The following CYB5A variants were observed in gnomAD, a reference collection of about 807,000 sequenced individuals.
CYB5A encodes cytochrome b5 type A, also known as cytochrome b5.
Under a neutral mutation model 16.2 loss-of-function variants are expected in CYB5A, and 10 were observed. The ratio of observed to expected loss-of-function variants is 0.62; its 90% CI spans 0.38 to 1.04. The LOEUF is 1.04. CYB5A is among the 50% of genes least tolerant of loss of function. The pLI is 0.01. For synonymous variants in CYB5A, 62 were observed against 57.0 expected, an observed-to-expected ratio of 1.09 and a Z score of -0.40; for missense variants, 161 against 165.9, an observed-to-expected ratio of 0.97 and a Z score of 0.16.
chr18:74,279,772 T>C (rs1019382375), intron 1 of CYB5A, among the ~76,000 whole-genome samples: 1 of 152,202 alleles, frequency 6.6e-6, no homozygotes, highest in Non-Finnish European at 1.5e-5. Flanking sequence ...CAGAAAATTA[T>C]TCAATGTCAC....
chr18:74,269,253 C>G (rs985724024), intron 1 of CYB5A, among the ~76,000 whole-genome samples: 22 of 152,264 alleles, frequency 1.4e-4, no homozygotes, highest in African/African-American at 4.8e-4. Flanking sequence ...CACAGTGGTT[C>G]TCTTCTCCTT....
chr18:74,275,794 C>T (rs1201578881), intron 1 of CYB5A, among the ~76,000 whole-genome samples: 1 of 152,106 alleles, frequency 6.6e-6, no homozygotes, highest in Non-Finnish European at 1.5e-5. Context: ...AACCTCAGCC[C>T]CTTTAGAATA....
In CYB5A at chr18:74,263,478, C is replaced by A. The variant is rs1982299030; in HGVS notation, c.130-1G>T. 1.2e-6 allele frequency: 2 copies of A among 1,613,950 alleles called. No homozygotes were observed. The highest frequency in any genetic ancestry group is 1.1e-5 in the South Asian group (1 of 91,090). ...TTAAAACTTCTTCCCCACCAGGATG[C>A]TGTTCAAAGGAGAGGTAGAATAAAA... On this transcript the variant is annotated splice_acceptor_variant, in intron 1 of 4. Coordinates refer to ENST00000340533, the MANE Select transcript of CYB5A (RefSeq NM_148923.4). LOFTEE classifies it high-confidence loss of function.
intron 3 of CYB5A, chr18:74,256,767 T>C: frequency 6.7e-7 from 1 of 1,496,624 alleles, no homozygotes; most frequent in Non-Finnish European, 9.3e-7. Context: ...TTAGAGAAAC[T>C]CCCGTGAAAA....
intron 1 of CYB5A, among the ~76,000 whole-genome samples, chr18:74,268,371 C>T (rs147538764): frequency 6.6e-6 from 1 of 152,028 alleles, no homozygotes; most frequent in East Asian, 1.9e-4. Context: ...CGGGGAACAG[C>T]GAATTCAGGA....
chr18:74,261,227 A>C, intron 2 of CYB5A: 1 of 397,598 alleles, frequency 2.5e-6, no homozygotes, highest in Admixed American at 3.6e-5. Flanking sequence ...TATTAGACTC[A>C]GATTGCGACA....
In CYB5A at chr18:74,250,984, A is replaced by G. The variant is rs1371702137; in HGVS notation, c.*2600T>C. 2.0e-5 allele frequency: 3 copies of G among 152,140 alleles called. No homozygotes were observed. Among genetic ancestry groups the G allele is most frequent in the African/African-American group, 7.2e-5 (3 of 41,406 alleles). 9.4% of individuals were successfully genotyped at this position (152,140 alleles called of 1,614,324 possible). A position where few individuals can be genotyped will look rare whatever the true frequency, so the allele number is the denominator to read the frequency against. ...GGAGTTCAAGACCAGCCTGGCTAAC[A>G]TGGTGAAATCCCGTCTCTACTAAAA... is the stretch of plus-strand genomic sequence containing the variant. On this transcript the variant is annotated 3_prime_UTR_variant, in exon 5 of 5. Coordinates refer to ENST00000340533, the MANE Select transcript of CYB5A (RefSeq NM_148923.4).
chr18:74,282,741 G>A (rs757340089), intron 1 of CYB5A, among the ~76,000 whole-genome samples: 19 of 152,210 alleles, frequency 1.2e-4, no homozygotes, highest in Non-Finnish European at 2.2e-4. Context: ...AATGTGATCA[G>A]GTGTGGGCAT....
chr18:74,263,386 T>C lies in CYB5A; in HGVS notation c.221A>G (p.Glu74Gly), dbSNP rs1982292056. 4 of 1,614,010 alleles carry C rather than the reference T, an allele frequency of 2.5e-6. No homozygotes were observed. Among genetic ancestry groups the C allele is most frequent in the African/African-American group, 2.7e-5 (2 of 74,914 alleles). Residue 74 changes from glutamate to glycine, a missense_variant, in exon 2 of 5, where the codon GAA (glutamate) becomes GGA (glycine). By Grantham distance (98) the Glu-to-Gly change is moderately conservative. Coordinates refer to ENST00000340533, the MANE Select transcript of CYB5A (RefSeq NM_148923.4). The stretch of plus-strand genomic sequence containing the variant: ...CCCAATGATGAATGTTTTGGACATT[T>C]CCCTGGCATCTGTAGAGTGCCCGAC... ...EDVGHSTDAR[E>G]MSKTFIIGEL...
chr18:74,275,324 T>C (rs1191108733), intron 1 of CYB5A, among the ~76,000 whole-genome samples: 1 of 152,168 alleles, frequency 6.6e-6, no homozygotes, highest in Non-Finnish European at 1.5e-5. Flanking sequence ...CTCTGGCTCA[T>C]GGAATGGAAG....
chr18:74,262,292 A>G (rs1192999694), intron 2 of CYB5A, among the ~76,000 whole-genome samples: 1 of 152,096 alleles, frequency 6.6e-6, no homozygotes, highest in Non-Finnish European at 1.5e-5. Flanking sequence ...CATCTCTACT[A>G]AAAATACAAA....
chr18:74,270,039 A>G (rs1307794319), intron 1 of CYB5A, among the ~76,000 whole-genome samples: 1 of 152,074 alleles, frequency 6.6e-6, no homozygotes, highest in Admixed American at 6.6e-5. Flanking sequence ...GTTAACAAAC[A>G]TCCAGTATTT....
At chr18:74,264,448 G>A (rs536112767) in intron 1 of CYB5A, among the ~76,000 whole-genome samples, 1 of 151,362 alleles carries the variant, frequency 6.6e-6, no homozygotes, top group African/African-American at 2.4e-5. Flanking sequence ...TCTAAGTGTG[G>A]CCTCAAGAGC....
chr18:74,291,600 C>T, intron 1 of CYB5A, 147 bp downstream of exon 1: 3 of 1,254,754 alleles, frequency 2.4e-6, no homozygotes, highest in South Asian at 2.6e-5. Context: ...GAAGCGCGCC[C>T]AGGCGTACAC....
At chr18:74,280,557 GAC>G (rs908372294) in intron 1 of CYB5A, among the ~76,000 whole-genome samples, 4 of 146,538 alleles carry the variant, frequency 2.7e-5, no homozygotes, top group Non-Finnish European at 5.9e-5. Context: ...CAGCCTGAGT[GAC>G]AGAGTAAGAC....
chr18:74,291,285 G>C (rs2848933), intron 1 of CYB5A, among the ~76,000 whole-genome samples: 6,068 of 152,310 alleles, frequency 0.04, 404 homozygotes, highest in African/African-American at 0.14. Context: ...GCATGGCTGC[G>C]CGCTATCCCC....
intron 1 of CYB5A, among the ~76,000 whole-genome samples, chr18:74,281,769 A>C (rs8092834): frequency 4.7e-5 from 4 of 85,366 alleles, no homozygotes; most frequent in Admixed American, 3.5e-4. Flanking sequence ...GTGTGTGTGT[A>C]TGTGTGTGTT....
intron 1 of CYB5A, among the ~76,000 whole-genome samples, chr18:74,272,250 T>C (rs1414756831): frequency 6.6e-6 from 1 of 152,170 alleles, no homozygotes; most frequent in East Asian, 1.9e-4. Flanking sequence ...TTTAGGAAAG[T>C]TTTAGGCGAT....
chr18:74,256,732 G>T lies in CYB5A; in HGVS notation c.289-957C>A, dbSNP rs1187904973. On this transcript the variant is annotated intron_variant, in intron 3 of 4. Transcript: ENST00000340533. ...CAAAACAATCAGCGGCCTGCAGTAA[G>T]GCAAGCATCACTCTGCAAAGCACGT... is the stretch of plus-strand genomic sequence containing the variant. 5.4e-6 allele frequency: 6 copies of T among 1,104,888 alleles called. No homozygotes were observed. In the African/African-American group the frequency reaches 7.8e-5, roughly 14 times the overall value. The allele number at this position is 1,104,888 out of a possible 1,614,324, so 68.4% of individuals were successfully genotyped here.
Sources: allele counts gnomAD v4.1 joint callset (sites outside exome capture counted in the v4.1 genomes callset), GRCh38; gene constraint gnomAD v4.1.1; transcripts MANE v1.5; gene names NCBI Gene and HGNC (gene_info 2026-07-23, HGNC 2026-07-21).